Variants in STIMATE observed in about 807,000 individuals in gnomAD.
STIMATE encodes the protein STIM activating enhancer, also known as store-operated calcium entry regulator STIMATE.
In STIMATE, 15 loss-of-function variants were observed where a neutral mutation model predicts 36.7. That is an observed-to-expected ratio of 0.41 (90% CI 0.27 to 0.63). The LOEUF is 0.63. Among genes scored for constraint, STIMATE ranks in the 20% least tolerant of loss-of-function variants. The pLI is 0.32. For synonymous variants in STIMATE, 163 were observed against 162.3 expected (o/e 1.00, Z -0.03); for missense variants, 305 against 397.3 (o/e 0.77, Z 1.98).
intron 1 of STIMATE, among the ~76,000 whole-genome samples, chr3:52,874,122 G>C (rs1165528711): frequency 6.6e-6 from 1 of 152,216 alleles, no homozygotes; most frequent in Non-Finnish European, 1.5e-5. Context: ...ACTCACTGCA[G>C]CATTGTCTTT....
intron 1 of STIMATE, among the ~76,000 whole-genome samples, chr3:52,881,195 A>G (rs1050330400): frequency 6.7e-6 from 1 of 148,918 alleles, no homozygotes; most frequent in African/African-American, 2.5e-5. Flanking sequence ...GAAGAGAGAA[A>G]CTCTTGTCTC....
At chr3:52,895,834 G>C in intron 1 of STIMATE, 1 of 1,240,872 alleles carries the variant, frequency 8.1e-7, no homozygotes. Flanking sequence ...AAGGAAGGCT[G>C]TCTGGAGGAC....
At chr3:52,857,343 T>C (rs1030630313) in intron 1 of STIMATE, among the ~76,000 whole-genome samples, 2 of 152,234 alleles carry the variant, frequency 1.3e-5, no homozygotes, top group Non-Finnish European at 2.9e-5. Flanking sequence ...CAAGAGGTTC[T>C]GCTTGCCTGA....
intron 1 of STIMATE, among the ~76,000 whole-genome samples, chr3:52,886,988 G>A (rs975880529): frequency 5.9e-5 from 9 of 152,168 alleles, no homozygotes; most frequent in Non-Finnish European, 1.3e-4. Flanking sequence ...TCAAGGCTAG[G>A]AAGGACAAAG....
rs768028918 is a variant in STIMATE, at chr3:52,840,624, G to C, written c.769-14C>G. 2.5e-6 allele frequency: 4 copies of C among 1,611,582 alleles called. No individual in the cohort carries two copies. The highest frequency in any genetic ancestry group is 1.1e-5 in the South Asian group (1 of 90,942). The stretch of plus-strand genomic sequence containing the variant: ...TGAGATCAGGATCTGAGGCAGTAGA[G>C]AGGCAGGGCCTGAGTCACCCCCAGC... On this transcript the variant is annotated splice_polypyrimidine_tract_variant and intron_variant, in intron 7 of 7. Transcript: ENST00000355083.
chr3:52,847,497 G>C, intron 4 of STIMATE: 1 of 1,289,770 alleles, frequency 7.8e-7, no homozygotes, highest in Non-Finnish European at 1.0e-6. Flanking sequence ...CCGGGGCTGT[G>C]TGGCTTATTT....
chr3:52,870,296 T>C (rs768040078), intron 1 of STIMATE, among the ~76,000 whole-genome samples: 11 of 152,114 alleles, frequency 7.2e-5, no homozygotes, highest in Non-Finnish European at 1.5e-4. Context: ...TGCAGTAAGT[T>C]TGGAAACCAG....
Position 52,840,325 on chromosome 3 carries a change from C to T in STIMATE, c.*169G>A. 1 of 774,916 alleles carries T rather than the reference C, an allele frequency of 1.3e-6. No individual in the cohort carries two copies. The highest frequency in any genetic ancestry group is 2.0e-6 in the Non-Finnish European group (1 of 505,778). 48.0% of individuals were successfully genotyped at this position (774,916 alleles called of 1,614,324 possible). On this transcript the variant is annotated 3_prime_UTR_variant, in exon 8 of 8. Transcript: ENST00000355083. ...CCCCTCGGGCGCTGGCTCCTCTTCC[C>T]TCTTTTTAAGTCACAGTAGTCTGGG...
chr3:52,894,766 G>T (rs933198554), intron 1 of STIMATE, among the ~76,000 whole-genome samples: 3 of 152,206 alleles, frequency 2.0e-5, no homozygotes, highest in African/African-American at 7.2e-5. Context: ...TTGGCCATCA[G>T]GACTGGGGAA....
At chr3:52,845,173 T>C (rs1700872436) in intron 4 of STIMATE, among the ~76,000 whole-genome samples, 1 of 152,246 alleles carries the variant, frequency 6.6e-6, no homozygotes, top group Non-Finnish European at 1.5e-5. Flanking sequence ...GCCTTTCTTT[T>C]AAGAGATTCT....
chr3:52,876,524 ATC>A (rs1229029939), intron 1 of STIMATE, among the ~76,000 whole-genome samples: 1 of 152,204 alleles, frequency 6.6e-6, no homozygotes, highest in Non-Finnish European at 1.5e-5. Context: ...ATTTTCTCCC[ATC>A]TCTGCCACCC....
intron 1 of STIMATE, among the ~76,000 whole-genome samples, chr3:52,892,847 T>C (rs991866653): frequency 3.3e-5 from 5 of 152,180 alleles, no homozygotes; most frequent in African/African-American, 9.7e-5. Flanking sequence ...GGAATGTACA[T>C]GAAACATACA....
At chr3:52,856,209 G>A (rs769591522) in intron 1 of STIMATE, among the ~76,000 whole-genome samples, 2 of 152,194 alleles carry the variant, frequency 1.3e-5, no homozygotes, top group Non-Finnish European at 2.9e-5. Flanking sequence ...AACACAATAG[G>A]TAACAAGAGA....
chr3:52,895,002 G>A (rs1011009655), intron 1 of STIMATE, among the ~76,000 whole-genome samples: 1 of 152,238 alleles, frequency 6.6e-6, no homozygotes, highest in African/African-American at 2.4e-5. Context: ...GGCTGCGAGG[G>A]GGACCCTCGT....
At position 52,840,406 on chromosome 3, in the gene STIMATE, G is replaced by A; in HGVS notation, c.*88C>T. ...GGAGCAGAGGTAGAAAGGAAGGGCA[G>A]AGAGAGGGTAAGGAACGATGCTGCG... On this transcript the variant is annotated 3_prime_UTR_variant, in exon 8 of 8. Coordinates refer to ENST00000355083, the MANE Select transcript of STIMATE (RefSeq NM_198563.5). The A allele has an allele frequency of 7.1e-7, 1 of 1,401,782 alleles. No homozygotes were observed. 86.8% of individuals were successfully genotyped at this position (1,401,782 alleles called of 1,614,324 possible). A position where few individuals can be genotyped will look rare whatever the true frequency, so the allele number is the denominator to read the frequency against.
intron 1 of STIMATE, among the ~76,000 whole-genome samples, chr3:52,868,042 G>A (rs1701340547): frequency 6.6e-6 from 1 of 152,174 alleles, no homozygotes; most frequent in South Asian, 2.1e-4. Flanking sequence ...TCTATCTGCT[G>A]GAGGGAACCA....
intron 1 of STIMATE, chr3:52,895,797 A>C: frequency 2.7e-6 from 3 of 1,091,374 alleles, no homozygotes; most frequent in South Asian, 2.8e-5. Context: ...CAAAAGAAAA[A>C]TTTAACCTAC....
chr3:52,857,732 T>C (rs1247211471), intron 1 of STIMATE, among the ~76,000 whole-genome samples: 1 of 150,058 alleles, frequency 6.7e-6, no homozygotes, highest in South Asian at 2.1e-4. Flanking sequence ...CAACAAATTA[T>C]ATAATAAATC....
At chr3:52,880,710 T>C (rs1701588362) in intron 1 of STIMATE, among the ~76,000 whole-genome samples, 1 of 152,106 alleles carries the variant, frequency 6.6e-6, no homozygotes, top group South Asian at 2.1e-4. Flanking sequence ...GCCACACAAC[T>C]GAGAAGACCA....
Sources: allele counts gnomAD v4.1 joint callset (sites outside exome capture counted in the v4.1 genomes callset), GRCh38; gene constraint gnomAD v4.1.1; transcripts MANE v1.5; gene names NCBI Gene and HGNC (gene_info 2026-07-23, HGNC 2026-07-21).